Variants in SLCO1C1 observed in about 807,000 individuals in gnomAD.
The protein encoded by SLCO1C1 is OAT-RP-5.
In SLCO1C1, 70 loss-of-function variants were observed where a neutral mutation model predicts 76.4. The ratio of observed to expected loss-of-function variants is 0.92; its 90% CI spans 0.76 to 1.12. The LOEUF is 1.12. Among genes scored for constraint, SLCO1C1 ranks in the 50% most tolerant of loss-of-function variants. The pLI, the probability that SLCO1C1 is intolerant of heterozygous loss-of-function variation, is 0.00. For missense variants in SLCO1C1, 912 were observed against 823.8 expected, an observed-to-expected ratio of 1.11 and a Z score of -1.31; for synonymous variants, 306 against 286.1, an observed-to-expected ratio of 1.07 and a Z score of -0.70.
At chr12:20,714,942 C>A (rs931017439) in intron 5 of SLCO1C1, among the ~76,000 whole-genome samples, 197 bp from the exon 6 acceptor site, 5 of 152,140 alleles carry the variant, frequency 3.3e-5, no homozygotes. Context: ...GGTGAAGTCT[C>A]TTGGGGATTT....
At chr12:20,708,824 T>C (rs1946914687) in intron 4 of SLCO1C1, among the ~76,000 whole-genome samples, 1 of 152,186 alleles carries the variant, frequency 6.6e-6, no homozygotes, top group African/African-American at 2.4e-5. Context: ...CCCGAGGCTC[T>C]TAGTAAACTA....
chr12:20,720,854 G>A (rs567318592), intron 7 of SLCO1C1, among the ~76,000 whole-genome samples: 10 of 151,964 alleles, frequency 6.6e-5, no homozygotes, highest in South Asian at 2.1e-4. Flanking sequence ...AAAATTAGCC[G>A]GGCGTGGTGG....
At chr12:20,713,148 C>T (rs1037544892) in intron 5 of SLCO1C1, among the ~76,000 whole-genome samples, 2 of 148,580 alleles carry the variant, frequency 1.3e-5, no homozygotes, top group Non-Finnish European at 3.0e-5. Context: ...GGCGCGATCT[C>T]GGCTCACTGC....
chr12:20,736,226 G>A (rs564145045), intron 10 of SLCO1C1, among the ~76,000 whole-genome samples: 1 of 151,110 alleles, frequency 6.6e-6, no homozygotes, highest in African/African-American at 2.4e-5. Context: ...GAGAATACTG[G>A]GAGAGATGAA....
At chr12:20,710,998 TG>T (rs774052578) in intron 4 of SLCO1C1, among the ~76,000 whole-genome samples, 2 of 150,878 alleles carry the variant, frequency 1.3e-5, no homozygotes, top group Non-Finnish European at 2.9e-5. Context: ...TTGGGTTCCC[TG>T]GGCCACATTG....
At chr12:20,701,242 TG>T in intron 2 of SLCO1C1, 75 bp from the exon 3 acceptor site, 1 of 1,308,036 alleles carries the variant, frequency 7.6e-7, no homozygotes, top group Non-Finnish European at 1.0e-6. Flanking sequence ...GTTTTGTATT[TG>T]TTTGTCTATT....
At chr12:20,726,548 C>T (rs984943266) in intron 9 of SLCO1C1, among the ~76,000 whole-genome samples, 11 of 151,970 alleles carry the variant, frequency 7.2e-5, no homozygotes, top group Non-Finnish European at 1.0e-4. Context: ...AAATAAATGA[C>T]AATAAAATTT....
At chr12:20,742,940 T>A (rs7133446) in intron 12 of SLCO1C1, among the ~76,000 whole-genome samples, 20,833 of 151,988 alleles carry the variant, frequency 0.14, 1,444 homozygotes, top group African/African-American at 0.17. Context: ...GCCATAAAAA[T>A]TTTTTGGCTA....
At chr12:20,731,002 A>G (rs1207046018) in intron 9 of SLCO1C1, among the ~76,000 whole-genome samples, 1 of 152,174 alleles carries the variant, frequency 6.6e-6, no homozygotes, top group Non-Finnish European at 1.5e-5. Flanking sequence ...TTGAGTCAAC[A>G]CGCCTGTGGG....
At chr12:20,722,528 C>G (rs1417509260) in intron 8 of SLCO1C1, among the ~76,000 whole-genome samples, 1 of 152,134 alleles carries the variant, frequency 6.6e-6, no homozygotes, top group African/African-American at 2.4e-5. Flanking sequence ...TGATATTGGT[C>G]CCCCTCTTCT....
chr12:20,713,441 G>C (rs12310432), intron 5 of SLCO1C1, among the ~76,000 whole-genome samples: 4,200 of 152,294 alleles, frequency 0.028, 127 homozygotes, highest in African/African-American at 0.075. Context: ...GTAAAAAGGT[G>C]AAAGGTGAAA....
intron 7 of SLCO1C1, among the ~76,000 whole-genome samples, chr12:20,720,330 C>T (rs1467045669): frequency 6.6e-6 from 1 of 152,102 alleles, no homozygotes; most frequent in Non-Finnish European, 1.5e-5. Flanking sequence ...CATTTTATAC[C>T]CCATGGATCA....
chr12:20,743,875 G>T (rs1241259211), intron 13 of SLCO1C1, among the ~76,000 whole-genome samples: 1 of 151,532 alleles, frequency 6.6e-6, no homozygotes, highest in Non-Finnish European at 1.5e-5. Context: ...TAATTGAAAT[G>T]TTTTTTCTGA....
chr12:20,746,823 T>TTTTC (rs71442273), intron 13 of SLCO1C1, among the ~76,000 whole-genome samples: 86 of 150,110 alleles, frequency 5.7e-4, no homozygotes, highest in Admixed American at 6.0e-4. Context: ...CTTTTTTTTT[T>TTTTC]CAAAAACCAT....
intron 10 of SLCO1C1, among the ~76,000 whole-genome samples, chr12:20,736,443 G>T (rs768959130): frequency 4.6e-5 from 7 of 151,982 alleles, no homozygotes; most frequent in African/African-American, 7.2e-5. Context: ...AAATAAATGG[G>T]TAAGTCATTG....
chr12:20,707,993 C>T (rs999224510), intron 4 of SLCO1C1, among the ~76,000 whole-genome samples: 7 of 152,210 alleles, frequency 4.6e-5, no homozygotes, highest in Middle Eastern at 3.4e-3. Context: ...GGTAAAGGAG[C>T]TATTTCTGCG....
At chr12:20,737,372 T>A in intron 11 of SLCO1C1, 100 bp downstream of exon 11, 4 of 1,219,632 alleles carry the variant, frequency 3.3e-6, no homozygotes, top group Non-Finnish European at 4.4e-6. Flanking sequence ...GTAGGAGGCT[T>A]GCCTCTTACC....
chr12:20,726,794 C>T (rs1159868701), intron 9 of SLCO1C1, among the ~76,000 whole-genome samples: 1 of 152,042 alleles, frequency 6.6e-6, no homozygotes, highest in Non-Finnish European at 1.5e-5. Context: ...TAGGGTATGA[C>T]TGAACCTGTC....
chr12:20,710,925 T>C (rs1212612720), intron 4 of SLCO1C1, among the ~76,000 whole-genome samples: 4 of 152,184 alleles, frequency 2.6e-5, no homozygotes. Context: ...GGGTACTTTT[T>C]ACTTTTATTT....
Sources: allele counts gnomAD v4.1 joint callset (sites outside exome capture counted in the v4.1 genomes callset), GRCh38; gene constraint gnomAD v4.1.1; transcripts MANE v1.5; gene names NCBI Gene and HGNC (gene_info 2026-07-23, HGNC 2026-07-21).